The following CLOCK variants were observed in gnomAD, a reference collection of about 807,000 sequenced individuals.
CLOCK encodes clock circadian regulator, also known as circadian locomoter output cycles protein kaput.
CLOCK carries 43 observed loss-of-function variants against 118.4 expected under a neutral mutation model. The observed-to-expected ratio is 0.36, with a 90% CI of 0.28 to 0.47. The LOEUF (loss-of-function observed/expected upper bound fraction) is 0.47. Among genes scored for constraint, CLOCK ranks in the 20% least tolerant of loss-of-function variants. The pLI is 1.00. For missense variants in CLOCK, 846 were observed against 999.9 expected (o/e 0.85, Z 2.08); for synonymous variants, 326 against 339.2 (o/e 0.96, Z 0.43).
chr4:55,477,227 C>A (rs564010137), intron 6 of CLOCK, among the ~76,000 whole-genome samples: 73 of 151,812 alleles, frequency 4.8e-4, no homozygotes, highest in African/African-American at 1.7e-3. Flanking sequence ...AAAAAAATTA[C>A]CTAATGCCAC....
chr4:55,500,276 C>T lies in CLOCK; in HGVS notation c.-136+9636G>A, dbSNP rs115018610. ...CAGTTTGCCTATTACTGTTTACTTT[C>T]GAAAGTCTTCAGATAATTGTTTTTG... On this transcript the variant is annotated intron_variant, in intron 2 of 22. Coordinates refer to ENST00000513440, the MANE Select transcript of CLOCK (RefSeq NM_004898.4). Among the ~76,000 whole-genome samples, 1,443 of 152,056 alleles carry T rather than the reference C, an allele frequency of 9.5e-3. 28 individuals carry two copies. The highest frequency in any genetic ancestry group is 0.033 in the African/African-American group (1,377 of 41,504).
intron 1 of CLOCK, among the ~76,000 whole-genome samples, chr4:55,521,605 C>A (rs905148168): frequency 2.6e-5 from 4 of 152,136 alleles, no homozygotes; most frequent in African/African-American, 9.7e-5. Context: ...ATGGTTATAC[C>A]ATACCACGGT....
At chr4:55,484,529 T>C (rs1727156662) in intron 3 of CLOCK, among the ~76,000 whole-genome samples, 1 of 152,180 alleles carries the variant, frequency 6.6e-6, no homozygotes, top group Non-Finnish European at 1.5e-5. Flanking sequence ...ACCACCTAAG[T>C]ACATTTCTCT....
intron 15 of CLOCK, chr4:55,452,503 C>T (rs951393581): frequency 6.5e-6 from 1 of 153,856 alleles, no homozygotes; most frequent in Non-Finnish European, 1.4e-5. Context: ...TAAACTGTGC[C>T]TGGACTCTTG....
chr4:55,543,636 T>C (rs1164988234), intron 1 of CLOCK, among the ~76,000 whole-genome samples: 1 of 141,378 alleles, frequency 7.1e-6, no homozygotes, highest in East Asian at 2.1e-4. Context: ...ATCAATTTAC[T>C]TCTGTAATTT....
chr4:55,502,209 G>A (rs944226728), intron 2 of CLOCK, among the ~76,000 whole-genome samples: 4 of 152,116 alleles, frequency 2.6e-5, no homozygotes, highest in Admixed American at 6.5e-5. Context: ...CGGGTAGTGC[G>A]GAGGACTGCT....
At chr4:55,488,524 C>T (rs909882247) in intron 3 of CLOCK, among the ~76,000 whole-genome samples, 1 of 152,176 alleles carries the variant, frequency 6.6e-6, no homozygotes, top group Non-Finnish European at 1.5e-5. Context: ...TATATTCTCC[C>T]CATCATTTAC....
chr4:55,453,228 C>A (rs79210836), intron 14 of CLOCK, 99 bp from the exon 15 acceptor site: 1 of 968,702 alleles, frequency 1.0e-6, no homozygotes, highest in South Asian at 1.3e-5. Flanking sequence ...CTCATCTGTT[C>A]ATCTAGACTA....
chr4:55,488,797 A>G (rs1351832543), intron 3 of CLOCK, among the ~76,000 whole-genome samples: 1 of 152,166 alleles, frequency 6.6e-6, no homozygotes, highest in Non-Finnish European at 1.5e-5. Flanking sequence ...ATGCAGTGAC[A>G]CAATCACAGC....
chr4:55,448,656 G>C, intron 18 of CLOCK, 123 bp downstream of exon 18: 2 of 544,690 alleles, frequency 3.7e-6, no homozygotes. Context: ...TCCTACCTCA[G>C]CCTCCCAAGT....
chr4:55,520,439 A>C (rs928606510), intron 1 of CLOCK, among the ~76,000 whole-genome samples: 2 of 152,208 alleles, frequency 1.3e-5, no homozygotes, highest in African/African-American at 4.8e-5. Context: ...GAACTGGTGA[A>C]AATTCAACTC....
chr4:55,435,790 A>T (rs1315368780), intron 22 of CLOCK, among the ~76,000 whole-genome samples, 196 bp from the exon 23 acceptor site: 1 of 152,186 alleles, frequency 6.6e-6, no homozygotes, highest in African/African-American at 2.4e-5. Flanking sequence ...AAAGTATGAG[A>T]GAGTTTCATT....
chr4:55,500,636 C>T (rs1440827753), intron 2 of CLOCK, among the ~76,000 whole-genome samples: 3 of 152,154 alleles, frequency 2.0e-5, no homozygotes, highest in Non-Finnish European at 2.9e-5. Flanking sequence ...AAGGCATGAG[C>T]CATAGCATCG....
chr4:55,522,207 A>G (rs1349770110), intron 1 of CLOCK, among the ~76,000 whole-genome samples: 1 of 152,204 alleles, frequency 6.6e-6, no homozygotes. Context: ...TCTATAGAGG[A>G]GAAAATAACT....
At chr4:55,484,139 G>A (rs1450353827) in intron 3 of CLOCK, among the ~76,000 whole-genome samples, 2 of 152,136 alleles carry the variant, frequency 1.3e-5, no homozygotes, top group Non-Finnish European at 2.9e-5. Flanking sequence ...TTGCTGCATT[G>A]CCTGTATGGT....
At chr4:55,522,765 T>C (rs1049000318) in intron 1 of CLOCK, among the ~76,000 whole-genome samples, 2 of 152,156 alleles carry the variant, frequency 1.3e-5, no homozygotes, top group Non-Finnish European at 1.5e-5. Context: ...CATCTCCATA[T>C]ACAACATACA....
chr4:55,435,226 G>T lies in CLOCK; in HGVS notation c.*189C>A. On this transcript the variant is annotated 3_prime_UTR_variant, in exon 23 of 23. Coordinates refer to ENST00000513440, the MANE Select transcript of CLOCK (RefSeq NM_004898.4). ...TATGCCCCTATGATCACCTCCTGCTGGCTGGTATTTAATGTACATCTGTAG... is the reference window on the plus strand; with the variant it reads ...TATGCCCCTATGATCACCTCCTGCTTGCTGGTATTTAATGTACATCTGTAG... 1.5e-6 allele frequency: 1 copy of T among 648,504 alleles called. No homozygotes were observed. The highest frequency in any genetic ancestry group is 2.7e-6 in the Non-Finnish European group (1 of 370,152). The allele number at this position is 648,504 out of a possible 1,614,324, so 40.2% of individuals were successfully genotyped here.
Position 55,482,747 on chromosome 4 carries a change from A to C in CLOCK, c.39T>G (p.Ile13Met). 3 of 1,607,194 alleles carry C rather than the reference A, an allele frequency of 1.9e-6. No individual in the cohort carries two copies. The highest frequency in any genetic ancestry group is 2.6e-6 in the Non-Finnish European group (3 of 1,176,154). The change falls in exon 4 of 23, where the codon ATT (isoleucine) becomes ATG (methionine). Residue 13 changes from isoleucine (I) to methionine (M), a missense_variant. Around this residue, in one of 4 missense-constraint regions of CLOCK, gnomAD observed 246 missense variants for 300.2 expected, o/e 0.82. Coordinates refer to ENST00000513440, the MANE Select transcript of CLOCK (RefSeq NM_004898.4). ...FTVSCSKMSS[I>M]VDRDDSSIFD... The stretch of plus-strand genomic sequence containing the variant: ...AGTCTTCAAAAACATACCTGTCAAC[A>C]ATCGAGCTCATTTTACTACAGCTTA...
chr4:55,503,118 C>A (rs1303114229), intron 2 of CLOCK, among the ~76,000 whole-genome samples: 1 of 152,126 alleles, frequency 6.6e-6, no homozygotes, highest in Admixed American at 6.6e-5. Flanking sequence ...CAGCCAGATA[C>A]CTTAAGACCC....
Sources: gnomAD v4.1 joint callset for allele counts (sites outside exome capture counted in the v4.1 genomes callset) on GRCh38, gnomAD v4.1.1 for gene constraint, gnomAD v4.1.1 regional missense constraint, MANE v1.5 for transcripts, NCBI Gene and HGNC (gene_info 2026-07-23, HGNC 2026-07-21) for gene names.